Variants in CACNA2D2 observed in about 807,000 individuals in gnomAD.
CACNA2D2 encodes voltage-dependent calcium channel subunit alpha-2/delta-2.
CACNA2D2 carries 48 observed loss-of-function variants against 166.4 expected under a neutral mutation model. The observed-to-expected ratio is 0.29, with a 90% CI of 0.23 to 0.37. The LOEUF (loss-of-function observed/expected upper bound fraction) is 0.37, where lower values mean the gene tolerates loss of function less well. Ranked by LOEUF, CACNA2D2 falls within the 10% of genes least tolerant of loss-of-function variation. The pLI is 1.00. For synonymous variants in CACNA2D2, 561 were observed against 573.7 expected (o/e 0.98, Z 0.32); for missense variants, 1,122 against 1,433.0 (o/e 0.78, Z 3.50).
intron 1 of CACNA2D2, among the ~76,000 whole-genome samples, chr3:50,488,806 T>C (rs920907061): frequency 2.6e-5 from 4 of 151,808 alleles, no homozygotes; most frequent in Non-Finnish European, 5.9e-5. Context: ...TTCATGCCAT[T>C]CTCCTTCCTC....
intron 1 of CACNA2D2, among the ~76,000 whole-genome samples, chr3:50,491,134 T>A (rs1353659149): frequency 6.6e-6 from 1 of 152,132 alleles, no homozygotes; most frequent in Non-Finnish European, 1.5e-5. Flanking sequence ...TCTGTGCCCC[T>A]CCCCGTGCCC....
rs1704128951 is a variant in CACNA2D2, at chr3:50,364,760, A to G, written c.3338T>C (p.Leu1113Pro). 2 of 1,578,738 alleles carry G rather than the reference A, an allele frequency of 1.3e-6. No homozygotes were observed. The highest frequency in any genetic ancestry group is 1.7e-6 in the Non-Finnish European group (2 of 1,163,140). The change falls in exon 38 of 38, where the codon CTG (leucine) becomes CCG (proline). Residue 1113 changes from leucine to proline, a missense_variant. By Grantham distance (98) the Leu-to-Pro change is moderately conservative. Around this residue, in one of 2 missense-constraint regions of CACNA2D2, gnomAD observed 282 missense variants for 266.2 expected, o/e 1.06. Coordinates refer to ENST00000424201, the MANE Select transcript of CACNA2D2 (RefSeq NM_006030.4). ...CAGTTGCAGGGAGACCAGGACGCCCAGCGACGGCGGGAAGGAGGCCCCGCG... is the reference window on the plus strand; with the variant it reads ...CAGTTGCAGGGAGACCAGGACGCCCGGCGACGGCGGGAAGGAGGCCCCGCG... ...CGRGASFPPS[L>P]GVLVSLQLLL...
chr3:50,430,737 G>C (rs1320354247), intron 3 of CACNA2D2, among the ~76,000 whole-genome samples: 2 of 152,164 alleles, frequency 1.3e-5, no homozygotes, highest in Non-Finnish European at 2.9e-5. Flanking sequence ...GTCCAAGTCT[G>C]CTATAAGAAC....
At chr3:50,382,765 G>A (rs969858190) in intron 6 of CACNA2D2, among the ~76,000 whole-genome samples, 1 of 152,180 alleles carries the variant, frequency 6.6e-6, no homozygotes, top group African/African-American at 2.4e-5. Flanking sequence ...ACTGTGTCTC[G>A]GTTTTCCCAT....
rs151116526 is a variant in CACNA2D2 at position 50,475,437 on chromosome 3, G to A, written c.288+681C>T. Among the ~76,000 whole-genome samples the A allele has an allele frequency of 3.6e-3, 546 of 152,174 alleles. 4 individuals are homozygous for A. Among genetic ancestry groups the A allele is most frequent in the South Asian group, 3.5e-3 (17 of 4,806 alleles). ...AAAGACTGCACGTACCCCGAGAGTC[G>A]TAGCTCCATCACTCCAAGAGCTCGG... On this transcript the variant is annotated intron_variant, in intron 2 of 37. Coordinates refer to ENST00000424201, the MANE Select transcript of CACNA2D2 (RefSeq NM_006030.4).
At position 50,476,139 on chromosome 3, in the gene CACNA2D2, T is replaced by A. The variant is rs781051837; in HGVS notation, c.267A>T (p.Gly89=). 4 of 1,602,574 alleles carry A rather than the reference T, an allele frequency of 2.5e-6. No individual in the cohort carries two copies. The African/African-American group carries it at 4.0e-5, about 16-fold the overall frequency. The change falls in exon 2 of 38, where the codon GGA becomes GGT. Residue 89 remains glycine (G), a synonymous_variant. Transcript: ENST00000424201. ...TCACCTCACGGAGCTGCTGGACGCCTCCAAAAATCCGCATCACGCCGTCGA... is the reference window on the plus strand; with the variant it reads ...TCACCTCACGGAGCTGCTGGACGCCACCAAAAATCCGCATCACGCCGTCGA... ...QEVDGVMRIF[G]GVQQLREIYK... is the part of the protein sequence containing the mutation.
intron 2 of CACNA2D2, among the ~76,000 whole-genome samples, chr3:50,464,780 C>T (rs895851014): frequency 1.3e-5 from 2 of 152,212 alleles, no homozygotes; most frequent in African/African-American, 4.8e-5. Context: ...AGTGTGAGAG[C>T]AATAATGGCT....
At chr3:50,372,477 C>T (rs926549906) in intron 22 of CACNA2D2, among the ~76,000 whole-genome samples, 1 of 152,236 alleles carries the variant, frequency 6.6e-6, no homozygotes, top group Non-Finnish European at 1.5e-5. Context: ...TCTTCAATGG[C>T]TGGGGCCTGC....
At chr3:50,474,513 C>T (rs1474422244) in intron 2 of CACNA2D2, among the ~76,000 whole-genome samples, 4 of 152,158 alleles carry the variant, frequency 2.6e-5, no homozygotes, top group Admixed American at 2.0e-4. Flanking sequence ...AGACAGACCT[C>T]GGCCATGACG....
rs1161346712 is a variant in CACNA2D2 at position 50,366,050 on chromosome 3, G to C, written c.2823C>G (p.Pro941=). ...YDYQAACAPQ[P]PGNLGAAPRG... ...GGGGTGCAGCACCCAGGTTGCCAGG[G>C]GGCTGAGGGGCACAGGCTGCCTGAT... Residue 941 remains proline (P), a synonymous_variant, in exon 32 of 38, where the codon CCC becomes CCG. Transcript: ENST00000424201. This position sits in a 1 kb window ranked among gnomAD's most constrained non-coding sequence, Gnocchi z 5.9. 2 of 1,613,464 alleles carry C rather than the reference G, an allele frequency of 1.2e-6. No homozygotes were observed. The highest frequency in any genetic ancestry group is 1.7e-6 in the Non-Finnish European group (2 of 1,179,964).
In CACNA2D2 at chr3:50,366,517, G is replaced by C; in HGVS notation, c.2637+61C>G. The C allele has an allele frequency of 6.3e-7, 1 of 1,578,556 alleles. No homozygotes were observed. The highest frequency in any genetic ancestry group is 8.7e-7 in the Non-Finnish European group (1 of 1,147,660). On this transcript the variant is annotated intron_variant, in intron 30 of 37. Coordinates refer to ENST00000424201, the MANE Select transcript of CACNA2D2 (RefSeq NM_006030.4). This position sits in a 1 kb window ranked among gnomAD's most constrained non-coding sequence, Gnocchi z 5.9. ...AGGGATGTGCTGGGAGTCGCGGCTG[G>C]GACTAGGAAGTCTGGAAGTGGGGTA...
At chr3:50,469,077 C>T (rs1253714106) in intron 2 of CACNA2D2, among the ~76,000 whole-genome samples, 6 of 152,110 alleles carry the variant, frequency 3.9e-5, no homozygotes, top group Admixed American at 2.0e-4. Context: ...GATCTGCCCG[C>T]CTCAGGCTCC....
intron 22 of CACNA2D2, 112 bp downstream of exon 22, chr3:50,374,624 TG>T: frequency 8.4e-7 from 1 of 1,191,940 alleles, no homozygotes; most frequent in Non-Finnish European, 1.2e-6. Flanking sequence ...GTGGGCAGAC[TG>T]GGCAGGAGGG....
In CACNA2D2 at chr3:50,365,304, C is replaced by A; in HGVS notation, c.3098+52G>T. 1.2e-6 allele frequency: 2 copies of A among 1,603,194 alleles called. No homozygotes were observed. The stretch of plus-strand genomic sequence containing the variant: ...CCCTTCCATCCTCCCGAGCGTCTCG[C>A]CCCGCTCACAGGTTCCGCCCTTGGC... On this transcript the variant is annotated intron_variant, in intron 35 of 37. Transcript: ENST00000424201. This position sits in a 1 kb window ranked among gnomAD's most constrained non-coding sequence, Gnocchi z 4.5.
chr3:50,402,714 C>T (rs989025334), intron 3 of CACNA2D2, among the ~76,000 whole-genome samples: 1 of 152,234 alleles, frequency 6.6e-6, no homozygotes, highest in African/African-American at 2.4e-5. Flanking sequence ...CAGCATGAAA[C>T]TTACCCATTT....
intron 3 of CACNA2D2, among the ~76,000 whole-genome samples, chr3:50,433,067 G>A (rs1396730841): frequency 6.6e-6 from 1 of 152,242 alleles, no homozygotes; most frequent in Non-Finnish European, 1.5e-5. Context: ...GTGGTTTTTA[G>A]TATATTCAGA....
At chr3:50,489,797 C>T (rs1698448117) in intron 1 of CACNA2D2, among the ~76,000 whole-genome samples, 2 of 151,944 alleles carry the variant, frequency 1.3e-5, no homozygotes, top group South Asian at 2.1e-4. Context: ...GGCCCAGGGC[C>T]ATGGGAATGG....
chr3:50,415,160 A>C (rs1169144359), intron 3 of CACNA2D2, among the ~76,000 whole-genome samples: 3 of 152,216 alleles, frequency 2.0e-5, no homozygotes, highest in Non-Finnish European at 2.9e-5. Flanking sequence ...TGAAATGCCC[A>C]AGGCCCCCAG....
At chr3:50,405,732 C>T (rs899961210) in intron 3 of CACNA2D2, among the ~76,000 whole-genome samples, 8 of 151,256 alleles carry the variant, frequency 5.3e-5, no homozygotes, top group South Asian at 4.1e-4. Flanking sequence ...GGCCCACTGG[C>T]CCCCCCATAC....
Sources: allele counts gnomAD v4.1 joint callset (sites outside exome capture counted in the v4.1 genomes callset), GRCh38; gene constraint gnomAD v4.1.1; regional missense constraint gnomAD v4.1.1; non-coding constraint Gnocchi (gnomAD v3.1); transcripts MANE v1.5; gene names NCBI Gene and HGNC (gene_info 2026-07-23, HGNC 2026-07-21).